The following NEDD4L variants were observed in gnomAD, a reference collection of about 807,000 sequenced individuals.
The protein encoded by NEDD4L is NEDD4 like E3 ubiquitin protein ligase, also known as E3 ubiquitin-protein ligase NEDD4-like.
A neutral mutation model predicts 148.9 loss-of-function variants in NEDD4L; 54 were observed. The observed-to-expected ratio is 0.36, with a 90% CI of 0.29 to 0.45. The LOEUF (loss-of-function observed/expected upper bound fraction) is 0.45, where lower values mean the gene tolerates loss of function less well. NEDD4L is among the 20% of genes least tolerant of loss of function. NEDD4L has a pLI of 1.00. For synonymous variants in NEDD4L, 433 were observed against 440.7 expected, an observed-to-expected ratio of 0.98 and a Z score of 0.22; for missense variants, 856 against 1,233.8, an observed-to-expected ratio of 0.69 and a Z score of 4.59.
intron 1 of NEDD4L, among the ~76,000 whole-genome samples, chr18:58,152,848 C>T (rs1415880092): frequency 1.3e-5 from 2 of 152,210 alleles, no homozygotes; most frequent in Non-Finnish European, 1.5e-5. Context: ...TTAGGCACGT[C>T]TTCCAGCATA....
At chr18:58,232,176 A>G (rs1034902657) in intron 2 of NEDD4L, among the ~76,000 whole-genome samples, 3 of 152,224 alleles carry the variant, frequency 2.0e-5, no homozygotes, top group African/African-American at 4.8e-5. Context: ...GAGGTGGGGC[A>G]GGGTGTGTAG....
rs139041661 is a variant in NEDD4L, at chr18:58,321,756, A to C, written c.349-669A>C. 2.0e-3 allele frequency among the ~76,000 whole-genome samples: 310 copies of C among 152,382 alleles called. 2 individuals are homozygous for C. Among genetic ancestry groups the C allele is most frequent in the African/African-American group, 6.9e-3 (286 of 41,592 alleles). On this transcript the variant is annotated intron_variant, in intron 6 of 30. Transcript: ENST00000400345. ...GTATTTGAGGTTTTACTGAATATATAGTATTTAAAGATTAATGAAATAGTC... is the reference window on the plus strand; with the variant it reads ...GTATTTGAGGTTTTACTGAATATATCGTATTTAAAGATTAATGAAATAGTC...
chr18:58,372,030 C>G (rs1337531101), intron 23 of NEDD4L: 1 of 152,170 alleles, frequency 6.6e-6, no homozygotes, highest in Non-Finnish European at 1.5e-5. Flanking sequence ...ACCCTTTTTG[C>G]TGACATTAAC....
At chr18:58,272,453 T>C (rs1489607267) in intron 5 of NEDD4L, among the ~76,000 whole-genome samples, 1 of 152,072 alleles carries the variant, frequency 6.6e-6, no homozygotes, top group Non-Finnish European at 1.5e-5. Context: ...CTGGGCAACA[T>C]GGCAAAACCT....
At chr18:58,195,561 C>A in intron 2 of NEDD4L, 1 of 1,339,216 alleles carries the variant, frequency 7.5e-7, no homozygotes, top group Non-Finnish European at 9.8e-7. Flanking sequence ...CGCGGTGCCT[C>A]CCCAGCACGG....
chr18:58,320,884 A>G (rs561317160), intron 6 of NEDD4L, among the ~76,000 whole-genome samples: 9 of 152,336 alleles, frequency 5.9e-5, no homozygotes, highest in African/African-American at 1.9e-4. Context: ...TTCTTAATAA[A>G]TTATCCATTT....
rs1239832704 is a variant in NEDD4L at position 58,400,982 on chromosome 18, G to A, written c.*4713G>A. 6.6e-6 allele frequency: 1 copy of A among 152,022 alleles called. No homozygotes were observed. The allele number at this position is 152,022 out of a possible 1,614,324, so 9.4% of individuals were successfully genotyped here. A position where few individuals can be genotyped will look rare whatever the true frequency, so the allele number is the denominator to read the frequency against. On this transcript the variant is annotated 3_prime_UTR_variant, in exon 31 of 31. Transcript: ENST00000400345. ...TTTTTACACCTTTATTGAGTAATCT[G>A]GTTTCGAAAGGAGGTGAGAGTTTAG... is the stretch of plus-strand genomic sequence containing the variant.
Position 58,366,347 on chromosome 18 carries a change from C to A in NEDD4L, c.2063+119C>A. 1.5e-6 allele frequency: 1 copy of A among 668,256 alleles called. No homozygotes were observed. Among genetic ancestry groups the A allele is most frequent in the Non-Finnish European group, 2.5e-6 (1 of 407,322 alleles). The allele number at this position is 668,256 out of a possible 1,614,324, so 41.4% of individuals were successfully genotyped here. A position where few individuals can be genotyped will look rare whatever the true frequency, so the allele number is the denominator to read the frequency against. On this transcript the variant is annotated intron_variant, in intron 21 of 30. Transcript: ENST00000400345. This position sits in a 1 kb window ranked among gnomAD's most constrained non-coding sequence, Gnocchi z 4.2. ...ATGCATTAACTCTGCTGAGTTTGTT[C>A]TCTCCTCACCCCACAGCCCCTTGCA...
At position 58,391,577 on chromosome 18, in the gene NEDD4L, A is replaced by G. The variant is rs2049839482; in HGVS notation, c.2825+18A>G. Reference sequence around the variant, plus strand: ...CACACATGGTGAGTGACAAAAACACATGCATGTCAATGCAATATCTGAACT... The same window carrying G: ...CACACATGGTGAGTGACAAAAACACGTGCATGTCAATGCAATATCTGAACT... On this transcript the variant is annotated intron_variant, in intron 30 of 30. Transcript: ENST00000400345. The G allele has an allele frequency of 2.6e-6, 4 of 1,521,922 alleles. No homozygotes were observed. Among genetic ancestry groups the G allele is most frequent in the African/African-American group, 1.4e-5 (1 of 72,686 alleles). 94.3% of individuals were successfully genotyped at this position (1,521,922 alleles called of 1,614,324 possible).
At chr18:58,282,920 A>G (rs1434988806) in intron 5 of NEDD4L, among the ~76,000 whole-genome samples, 1 of 152,154 alleles carries the variant, frequency 6.6e-6, no homozygotes, top group African/African-American at 2.4e-5. Context: ...CTCACAATAC[A>G]CAATCTGTGT....
intron 19 of NEDD4L, among the ~76,000 whole-genome samples, chr18:58,361,955 G>T (rs1000406615): frequency 2.0e-5 from 3 of 152,048 alleles, no homozygotes; most frequent in Non-Finnish European, 4.4e-5. Context: ...CTGGTACGTT[G>T]TTGGAAAGTT....
intron 2 of NEDD4L, among the ~76,000 whole-genome samples, chr18:58,214,478 G>A (rs921159286): frequency 2.0e-5 from 3 of 152,188 alleles, no homozygotes. Context: ...CATCTGTAGA[G>A]CAGGGATAAT....
At chr18:58,334,464 A>G (rs2041456748) in intron 12 of NEDD4L, among the ~76,000 whole-genome samples, 1 of 152,222 alleles carries the variant, frequency 6.6e-6, no homozygotes, top group African/African-American at 2.4e-5. Flanking sequence ...ATGTATGTAA[A>G]AAGAAATATT....
chr18:58,159,829 T>C (rs1033154457), intron 1 of NEDD4L, among the ~76,000 whole-genome samples: 4 of 152,136 alleles, frequency 2.6e-5, no homozygotes, highest in Admixed American at 2.0e-4. Context: ...ACTAGAAAAG[T>C]ACTTTAGAAT....
At chr18:58,073,698 T>C (rs918868094) in intron 1 of NEDD4L, among the ~76,000 whole-genome samples, 1 of 151,974 alleles carries the variant, frequency 6.6e-6, no homozygotes. Context: ...TGGAGGCTGG[T>C]GGGAGGGGAG....
intron 2 of NEDD4L, among the ~76,000 whole-genome samples, chr18:58,236,606 T>C (rs1027526881): frequency 6.6e-6 from 1 of 152,228 alleles, no homozygotes; most frequent in Non-Finnish European, 1.5e-5. Flanking sequence ...CCAAGGTTGT[T>C]GTAGGGATGA....
chr18:58,325,196 C>T (rs765411686), intron 9 of NEDD4L, 34 bp downstream of exon 9: 24 of 1,610,814 alleles, frequency 1.5e-5, no homozygotes, highest in East Asian at 2.2e-5. Flanking sequence ...AACACGTGCA[C>T]GTGCACTGCA....
At chr18:58,149,366 C>A (rs558870745) in intron 1 of NEDD4L, 39 of 1,429,132 alleles carry the variant, frequency 2.7e-5, no homozygotes, top group Non-Finnish European at 3.6e-5. Context: ...GTGTAGACTG[C>A]TTTCCTGGGA....
intron 1 of NEDD4L, among the ~76,000 whole-genome samples, chr18:58,150,445 C>G (rs770363169): frequency 3.9e-5 from 6 of 152,178 alleles, no homozygotes; most frequent in Non-Finnish European, 1.5e-5. Context: ...AGGCTGGTCT[C>G]GAGCTCCCGA....
Sources: gnomAD v4.1 joint callset for allele counts (sites outside exome capture counted in the v4.1 genomes callset) on GRCh38, gnomAD v4.1.1 for gene constraint, Gnocchi (gnomAD v3.1) non-coding constraint, MANE v1.5 for transcripts, NCBI Gene and HGNC (gene_info 2026-07-23, HGNC 2026-07-21) for gene names.